MYOM1: variants seen among roughly 807,000 people sequenced by gnomAD.
MYOM1 encodes myomesin-1.
MYOM1 carries 164 observed loss-of-function variants against 205.3 expected under a neutral mutation model. The ratio of observed to expected loss-of-function variants is 0.80; its 90% CI spans 0.70 to 0.91. The LOEUF (loss-of-function observed/expected upper bound fraction) is 0.91. Ranked by LOEUF, MYOM1 falls within the 40% of genes least tolerant of loss-of-function variation. MYOM1 has a pLI of 0.00. For missense variants in MYOM1, 2,011 were observed against 2,127.3 expected, an observed-to-expected ratio of 0.95 and a Z score of 1.08; for synonymous variants, 772 against 789.4, an observed-to-expected ratio of 0.98 and a Z score of 0.37.
Position 3,135,827 on chromosome 18 carries a change from C to T in MYOM1, c.2026-97G>A. On this transcript the variant is annotated intron_variant, in intron 14 of 37. Coordinates refer to ENST00000356443, the MANE Select transcript of MYOM1 (RefSeq NM_003803.4). The surrounding 1 kb of genome is among the most constrained non-coding windows in gnomAD (Gnocchi z 4.1). ...AGTTTCATTCATCTGCAACAAACCA[C>T]TCCCTGTAATGCAAGCTGGACTGGA... 4 of 1,333,224 alleles carry T rather than the reference C, an allele frequency of 3.0e-6. No homozygotes were observed. The highest frequency in any genetic ancestry group is 1.4e-5 in the African/African-American group (1 of 69,504). The allele number at this position is 1,333,224 out of a possible 1,614,324, so 82.6% of individuals were successfully genotyped here.
chr18:3,225,194 A>C, the MYOM1 span, among the ~76,000 whole-genome samples: 1 of 147,298 alleles, frequency 6.8e-6, no homozygotes, highest in Non-Finnish European at 1.5e-5. Flanking sequence ...TCACCGTGTT[A>C]GCCAGGATGG....
At chr18:3,083,595 A>ATTTTTTTTTTTTTTTTT (rs59299057) in intron 33 of MYOM1, among the ~76,000 whole-genome samples, 194 bp downstream of exon 33, 1 of 107,152 alleles carries the variant, frequency 9.3e-6, no homozygotes, top group African/African-American at 3.5e-5. Flanking sequence ...CGCCCAGCTC[A>ATTTTTTTTTTTTTTTTT]TTTTTTTTTT....
At chr18:3,243,294 T>C in the MYOM1 span, among the ~76,000 whole-genome samples, 1 of 152,232 alleles carries the variant, frequency 6.6e-6, no homozygotes, top group Non-Finnish European at 1.5e-5. Flanking sequence ...TATGAAGAAT[T>C]AGAATTCCAT....
At chr18:3,183,852 C>T (rs2080773720) in intron 5 of MYOM1, among the ~76,000 whole-genome samples, 1 of 151,882 alleles carries the variant, frequency 6.6e-6, no homozygotes, top group Non-Finnish European at 1.5e-5. Flanking sequence ...ATTTCATGCT[C>T]TGTACCAGTG....
intron 17 of MYOM1, 180 bp from the exon 18 acceptor site, chr18:3,129,699 G>A (rs1043412704): frequency 7.4e-6 from 4 of 538,036 alleles, no homozygotes; most frequent in African/African-American, 1.9e-5. Context: ...CACAATATAC[G>A]CCAAGGAACA....
intron 10 of MYOM1, among the ~76,000 whole-genome samples, chr18:3,156,775 T>A (rs1236776458): frequency 6.6e-6 from 1 of 151,776 alleles, no homozygotes; most frequent in Non-Finnish European, 1.5e-5. Context: ...GCCCGGCTAA[T>A]TTTTTTTGTA....
chr18:3,178,941 C>A (rs1469803446), intron 5 of MYOM1, among the ~76,000 whole-genome samples: 2 of 151,702 alleles, frequency 1.3e-5, no homozygotes, highest in African/African-American at 4.8e-5. Context: ...GATTATAGCT[C>A]CCTGCAACCT....
At chr18:3,070,771 TGTGCAC>T (rs1365946894) in intron 37 of MYOM1, among the ~76,000 whole-genome samples, 2 of 147,042 alleles carry the variant, frequency 1.4e-5, no homozygotes, top group Non-Finnish European at 3.0e-5. Flanking sequence ...TGTGTGTGTG[TGTGCAC>T]GTGTGTGTGT....
At chr18:3,127,849 A>G (rs2079817918) in intron 18 of MYOM1, among the ~76,000 whole-genome samples, 1 of 152,224 alleles carries the variant, frequency 6.6e-6, no homozygotes, top group South Asian at 2.1e-4. Flanking sequence ...AATATTTTTC[A>G]TGTGGTACAA....
chr18:3,123,832 T>TTA (rs1555620121), intron 19 of MYOM1, among the ~76,000 whole-genome samples: 1 of 135,562 alleles, frequency 7.4e-6, no homozygotes, highest in African/African-American at 3.4e-5. Flanking sequence ...TATTTATTTA[T>TTA]TTTTTTTGAG....
In MYOM1 at chr18:3,201,400, C is replaced by CA. The variant is rs1285591543; in HGVS notation, c.291-7443dup. On this transcript the variant is annotated intron_variant, in intron 2 of 37. Transcript: ENST00000356443. ...CTGGCGACAGAGTGAGACTCCGTCT[C>CA]AAAAAAAAAAAGAAAAAAAGACTAA... Among the ~76,000 whole-genome samples, 338 of 115,682 alleles carry CA rather than the reference C, an allele frequency of 2.9e-3. 1 individual carries two copies. Among genetic ancestry groups the CA allele is most frequent in the Admixed American group, 5.3e-3 (57 of 10,724 alleles). The allele number at this position is 115,682 out of a possible 152,430, so 75.9% of individuals were successfully genotyped here.
chr18:3,211,475 C>T (rs570885654), intron 2 of MYOM1, among the ~76,000 whole-genome samples: 1 of 152,308 alleles, frequency 6.6e-6, no homozygotes, highest in South Asian at 2.1e-4. Flanking sequence ...TCATCCAAGA[C>T]TCTACTGAAA....
chr18:3,190,999 C>G (rs564309812), intron 3 of MYOM1, among the ~76,000 whole-genome samples: 18 of 152,034 alleles, frequency 1.2e-4, no homozygotes, highest in Non-Finnish European at 2.5e-4. Context: ...TTATTTCACA[C>G]GAGAACTCAA....
At chr18:3,206,802 GAA>G (rs2081128653) in intron 2 of MYOM1, among the ~76,000 whole-genome samples, 1 of 152,084 alleles carries the variant, frequency 6.6e-6, no homozygotes, top group Non-Finnish European at 1.5e-5. Context: ...ACACTTTTCA[GAA>G]AAAGTTTCTT....
chr18:3,090,682 A>G lies in MYOM1; in HGVS notation c.3985T>C (p.Ser1329Pro), dbSNP rs745854926. The G allele has an allele frequency of 1.2e-6, 2 of 1,613,940 alleles. No homozygotes were observed. The highest frequency in any genetic ancestry group is 1.7e-6 in the Non-Finnish European group (2 of 1,179,860). ...CCATCTCCAACGAGAACAACAGTAG[A>G]ATGGTTAGTTGCTTTTCCATCTTGA... ...QLQDGKATNHSTVVLVGDVFK... is the reference protein window; with the variant it reads ...QLQDGKATNHPTVVLVGDVFK... The change falls in exon 27 of 38, where the codon TCT becomes CCT. Residue 1329 changes from serine to proline, a missense_variant. Coordinates refer to ENST00000356443, the MANE Select transcript of MYOM1 (RefSeq NM_003803.4).
chr18:3,241,729 G>A, the MYOM1 span, among the ~76,000 whole-genome samples: 1 of 152,236 alleles, frequency 6.6e-6, no homozygotes, highest in East Asian at 1.9e-4. Flanking sequence ...TGCACTGTGT[G>A]CCTGGAAAGC....
At chr18:3,142,853 G>A (rs2080071119) in intron 13 of MYOM1, among the ~76,000 whole-genome samples, 1 of 152,196 alleles carries the variant, frequency 6.6e-6, no homozygotes, top group Non-Finnish European at 1.5e-5. Context: ...TTTTAGTAAA[G>A]TTTAGGACAG....
chr18:3,208,062 C>T (rs2081147129), intron 2 of MYOM1, among the ~76,000 whole-genome samples: 1 of 152,192 alleles, frequency 6.6e-6, no homozygotes, highest in African/African-American at 2.4e-5. Flanking sequence ...TTCTATGGAT[C>T]TATAAATTGC....
intron 36 of MYOM1, among the ~76,000 whole-genome samples, chr18:3,073,615 T>C (rs1247520716): frequency 2.6e-5 from 4 of 152,346 alleles, no homozygotes; most frequent in African/African-American, 9.6e-5. Flanking sequence ...ATTTGTAGAA[T>C]GGGGGACAAG....
Sources: gnomAD v4.1 joint callset for allele counts (sites outside exome capture counted in the v4.1 genomes callset) on GRCh38, gnomAD v4.1.1 for gene constraint, Gnocchi (gnomAD v3.1) non-coding constraint, MANE v1.5 for transcripts, NCBI Gene and HGNC (gene_info 2026-07-23, HGNC 2026-07-21) for gene names.